BCKDHB: variants seen among roughly 807,000 people sequenced by gnomAD.
BCKDHB encodes the protein 2-oxoisovalerate dehydrogenase subunit beta, mitochondrial.
A neutral mutation model predicts 48.5 loss-of-function variants in BCKDHB; 41 were observed. The ratio of observed to expected loss-of-function variants is 0.85; its 90% CI spans 0.66 to 1.10. BCKDHB has a LOEUF of 1.10. BCKDHB is among the 50% of genes least tolerant of loss of function. The probability of loss-of-function intolerance (pLI) is 0.00; values close to 1 mark genes in which losing one functional copy is unlikely to be tolerated. For missense variants in BCKDHB, 496 were observed against 494.2 expected, an observed-to-expected ratio of 1.00 and a Z score of -0.03; for synonymous variants, 201 against 174.8, an observed-to-expected ratio of 1.15 and a Z score of -1.18.
At chr6:80,365,854 G>T in the BCKDHB span, among the ~76,000 whole-genome samples, 3 of 152,096 alleles carry the variant, frequency 2.0e-5, no homozygotes, top group Admixed American at 6.5e-5. Flanking sequence ...GGCTCCAGCC[G>T]GTCCCTCCAT....
intron 8 of BCKDHB, among the ~76,000 whole-genome samples, chr6:80,260,207 TGGTG>T (rs750044828): frequency 1.1e-4 from 14 of 126,828 alleles, no homozygotes; most frequent in Admixed American, 2.9e-4. Flanking sequence ...CTGGTGGTAA[TGGTG>T]GGTGTGTGTG....
intron 9 of BCKDHB, among the ~76,000 whole-genome samples, chr6:80,277,744 A>G (rs1031313945): frequency 1.3e-5 from 2 of 151,134 alleles, no homozygotes; most frequent in Admixed American, 6.6e-5. Flanking sequence ...TTTCCATACC[A>G]TTGTTACATC....
At chr6:80,279,671 C>T (rs1257225645) in intron 9 of BCKDHB, among the ~76,000 whole-genome samples, 1 of 151,670 alleles carries the variant, frequency 6.6e-6, no homozygotes, top group African/African-American at 2.4e-5. Flanking sequence ...CCCTTTTTGA[C>T]TCCAGTATGC....
At chr6:80,245,975 C>T (rs1221509691) in intron 8 of BCKDHB, among the ~76,000 whole-genome samples, 1 of 152,078 alleles carries the variant, frequency 6.6e-6, no homozygotes, top group Non-Finnish European at 1.5e-5. Flanking sequence ...ACTCGGGAGG[C>T]TGCTGTGGGA....
At chr6:80,387,405 G>A in the BCKDHB span, among the ~76,000 whole-genome samples, 143 of 152,260 alleles carry the variant, frequency 9.4e-4, no homozygotes, top group Middle Eastern at 0.014. Flanking sequence ...ATCCCTGGAG[G>A]GATTGCAGAG....
chr6:80,133,453 A>G (rs1361344983), intron 3 of BCKDHB, among the ~76,000 whole-genome samples: 1 of 152,172 alleles, frequency 6.6e-6, no homozygotes, highest in Non-Finnish European at 1.5e-5. Context: ...TGAAAATTAG[A>G]AGAAAGAAAA....
chr6:80,258,286 T>A (rs1306266700), intron 8 of BCKDHB, among the ~76,000 whole-genome samples: 1 of 152,184 alleles, frequency 6.6e-6, no homozygotes, highest in East Asian at 1.9e-4. Flanking sequence ...CATCAGCTTT[T>A]CATGGTTCAG....
At chr6:80,292,880 A>C (rs147040601) in intron 9 of BCKDHB, among the ~76,000 whole-genome samples, 10 of 152,338 alleles carry the variant, frequency 6.6e-5, no homozygotes, top group Middle Eastern at 3.4e-3. Flanking sequence ...ACAAGACTGA[A>C]ATCTAGCGAG....
rs560716868 is a variant in BCKDHB, at chr6:80,197,255, A to G, written c.743-3679A>G. Among the ~76,000 whole-genome samples, 35 of 152,324 alleles carry G rather than the reference A, an allele frequency of 2.3e-4. No individual in the cohort carries two copies. The East Asian group carries it at 6.0e-3, about 26-fold the overall frequency. ...TTTAAATTAAATTTAACTAAGAAGTATCTATGAATTCTAGCTTCTCTCAGG... is the reference window on the plus strand; with the variant it reads ...TTTAAATTAAATTTAACTAAGAAGTGTCTATGAATTCTAGCTTCTCTCAGG... On this transcript the variant is annotated intron_variant, in intron 6 of 9. Transcript: ENST00000320393.
At chr6:80,428,714 G>T in the BCKDHB span, among the ~76,000 whole-genome samples, 1 of 152,126 alleles carries the variant, frequency 6.6e-6, no homozygotes, top group Middle Eastern at 3.2e-3. Flanking sequence ...TTTTGATGGG[G>T]TTGTTTGTTT....
the BCKDHB span, among the ~76,000 whole-genome samples, chr6:80,449,443 G>C: frequency 1.3e-5 from 2 of 152,158 alleles, no homozygotes; most frequent in East Asian, 3.9e-4. Flanking sequence ...ATTCCACAGA[G>C]AACATGGATA....
At chr6:80,419,482 A>G in the BCKDHB span, among the ~76,000 whole-genome samples, 1 of 152,138 alleles carries the variant, frequency 6.6e-6, no homozygotes, top group African/African-American at 2.4e-5. Context: ...CAGGTCTGGA[A>G]GTTTTCCTAT....
chr6:80,210,997 A>C (rs1346895048), intron 8 of BCKDHB, among the ~76,000 whole-genome samples: 1 of 152,200 alleles, frequency 6.6e-6, no homozygotes, highest in Non-Finnish European at 1.5e-5. Context: ...TTTTTCTTAA[A>C]TAAGGAGAAA....
intron 9 of BCKDHB, among the ~76,000 whole-genome samples, chr6:80,282,911 G>T (rs1235840508): frequency 6.6e-6 from 1 of 151,960 alleles, no homozygotes; most frequent in Non-Finnish European, 1.5e-5. Flanking sequence ...AACCCATTTT[G>T]CTTATAAAGT....
At chr6:80,228,592 G>C (rs909792098) in intron 8 of BCKDHB, among the ~76,000 whole-genome samples, 2 of 152,184 alleles carry the variant, frequency 1.3e-5, no homozygotes, top group African/African-American at 4.8e-5. Flanking sequence ...GTTGAAGTGG[G>C]AGATAGCTAG....
chr6:80,347,819 A>G (rs1770277578), downstream of BCKDHB, among the ~76,000 whole-genome samples: 3 of 152,194 alleles, frequency 2.0e-5, no homozygotes, highest in Admixed American at 6.5e-5. Flanking sequence ...AGACATACAT[A>G]CACATTTAAT....
intron 8 of BCKDHB, among the ~76,000 whole-genome samples, chr6:80,272,558 ATTGT>A (rs775987474): frequency 2.0e-5 from 3 of 152,190 alleles, no homozygotes; most frequent in Admixed American, 1.3e-4. Flanking sequence ...ATACGTACTC[ATTGT>A]TTGTGACATT....
chr6:80,220,752 G>A (rs1366684053), intron 8 of BCKDHB, among the ~76,000 whole-genome samples: 5 of 46,816 alleles, frequency 1.1e-4, no homozygotes, highest in Admixed American at 5.6e-4. Context: ...TTTTTTTTTT[G>A]AGATGGAGTT....
chr6:80,459,075 T>A, the BCKDHB span, among the ~76,000 whole-genome samples: 1 of 152,004 alleles, frequency 6.6e-6, no homozygotes, highest in East Asian at 1.9e-4. Flanking sequence ...GTATGGAGGA[T>A]TCTCAAAAAA....
Sources: allele counts gnomAD v4.1 joint callset (sites outside exome capture counted in the v4.1 genomes callset), GRCh38; gene constraint gnomAD v4.1.1; transcripts MANE v1.5; gene names NCBI Gene and HGNC (gene_info 2026-07-23, HGNC 2026-07-21).